VPS13C: variants seen among roughly 807,000 people sequenced by gnomAD.
The protein encoded by VPS13C is intermembrane lipid transfer protein VPS13C.
VPS13C carries 358 observed loss-of-function variants against 456.8 expected under a neutral mutation model. The observed-to-expected ratio is 0.78, with a 90% CI of 0.72 to 0.86. The LOEUF is 0.86. Ranked by LOEUF, VPS13C falls within the 40% of genes least tolerant of loss-of-function variation. VPS13C has a pLI of 0.00. For missense variants in VPS13C, 4,818 were observed against 4,385.4 expected (o/e 1.10, Z -2.79); for synonymous variants, 1,578 against 1,486.7 (o/e 1.06, Z -1.41).
chr15:61,982,985 T>C (rs1240426330), intron 20 of VPS13C, among the ~76,000 whole-genome samples: 2 of 152,160 alleles, frequency 1.3e-5, no homozygotes, highest in East Asian at 1.9e-4. Context: ...ATTTAAACTT[T>C]TAAAAAATCA....
chr15:62,008,532 A>C, intron 14 of VPS13C, 123 bp downstream of exon 14: 1 of 525,082 alleles, frequency 1.9e-6, no homozygotes, highest in Non-Finnish European at 3.2e-6. Context: ...TTGTCTTTTA[A>C]TACTCTTGTC....
At chr15:61,919,777 G>A (rs12911564) in intron 57 of VPS13C, among the ~76,000 whole-genome samples, 89,951 of 148,088 alleles carry the variant, frequency 0.61, 27,681 homozygotes, top group East Asian at 0.77. Context: ...TCTCTCCTCA[G>A]TAAACTCCTA....
chr15:61,924,425 G>C (rs2043774452), intron 53 of VPS13C, among the ~76,000 whole-genome samples: 1 of 152,154 alleles, frequency 6.6e-6, no homozygotes, highest in African/African-American at 2.4e-5. Context: ...TCCCGCATAT[G>C]TCATTAAGTT....
chr15:61,871,399 C>T (rs1485933974), intron 79 of VPS13C, among the ~76,000 whole-genome samples: 1 of 152,104 alleles, frequency 6.6e-6, no homozygotes, highest in African/African-American at 2.4e-5. Flanking sequence ...ATCAGTTAAC[C>T]ATAAGTAAGA....
In VPS13C at chr15:61,978,642, T is replaced by C; in HGVS notation, c.2274A>G (p.Leu758=). The stretch of plus-strand genomic sequence containing the variant: ...ACGGTTTACCTGCTCTTGCAAAAAG[T>C]AGTTGTACATTTTTTATTTCAACAT... ...KFDVEIKNVQ[L]LFARAEETWK... is the part of the protein sequence containing the mutation. Residue 758 remains leucine (L), a synonymous_variant, in exon 23 of 85, where the codon CTA becomes CTG. Coordinates refer to ENST00000644861, the MANE Select transcript of VPS13C (RefSeq NM_020821.3). The C allele has an allele frequency of 1.2e-6, 2 of 1,610,574 alleles. No homozygotes were observed. The highest frequency in any genetic ancestry group is 1.7e-6 in the Non-Finnish European group (2 of 1,178,996).
At chr15:61,922,273 A>G in intron 54 of VPS13C, 124 bp downstream of exon 54, 1 of 1,263,540 alleles carries the variant, frequency 7.9e-7, no homozygotes, top group Non-Finnish European at 1.1e-6. Flanking sequence ...ATTAAATGTC[A>G]GAACACACTA....
rs1451763200 is a variant in VPS13C, at chr15:61,941,884, T to C, written c.5332A>G (p.Ile1778Val). ...ACTCTGATTAAACCCAGATCTGCTA[T>C]AACAGCATTAGGTGATACTGAAGAC... ...PQSSVSPNAV[I>V]ADLGLIRVEN... The change falls in exon 46 of 85, where the codon ATA (isoleucine) becomes GTA (valine). Residue 1778 changes from isoleucine to valine, a missense_variant. Transcript: ENST00000644861. 2 of 1,614,038 alleles carry C rather than the reference T, an allele frequency of 1.2e-6. No individual in the cohort carries two copies. The highest frequency in any genetic ancestry group is 1.6e-4 in the Middle Eastern group (1 of 6,062).
Position 61,920,255 on chromosome 15 carries a change from A to G in VPS13C, c.7289T>C (p.Val2430Ala). ...GGGCTTCACCTTAATGGGAACACCTACAGCATTTTTTACCGTAAAAGGAGC... is the reference window on the plus strand; with the variant it reads ...GGGCTTCACCTTAATGGGAACACCTGCAGCATTTTTTACCGTAAAAGGAGC... ...DRAPFTVKNA[V>A]GVPIKVKPNC... Residue 2430 changes from valine to alanine, a missense_variant, in exon 57 of 85, where the codon GTA becomes GCA. Physicochemically the swap from Val to Ala is moderately conservative, Grantham distance 64 (BLOSUM62 0). Around this residue, in one of 3 missense-constraint regions of VPS13C, gnomAD observed 4,552 missense variants for 4,130.6 expected, o/e 1.10. Coordinates refer to ENST00000644861, the MANE Select transcript of VPS13C (RefSeq NM_020821.3). 6.2e-7 allele frequency: 1 copy of G among 1,613,562 alleles called. No individual in the cohort carries two copies.
intron 45 of VPS13C, 122 bp from the exon 46 acceptor site, chr15:61,942,189 TTG>T (rs957113181): frequency 2.2e-6 from 2 of 922,460 alleles, no homozygotes; most frequent in Non-Finnish European, 3.1e-6. Flanking sequence ...ATTTATGATT[TTG>T]TGTATGTAGA....
chr15:61,973,514 T>C lies in VPS13C; in HGVS notation c.2557A>G (p.Ile853Val), dbSNP rs1469377455. 29 of 1,612,618 alleles carry C rather than the reference T, an allele frequency of 1.8e-5. No individual in the cohort carries two copies. The highest frequency in any genetic ancestry group is 2.1e-5 in the Non-Finnish European group (25 of 1,178,960). ...PERQVSSIPI[I>V]SGGTKGLLGT... The stretch of plus-strand genomic sequence containing the variant: ...AGTAGACCTTTTGTACCACCTGAAA[T>C]AATAGGAATTGAGGATACCTAGCAA... Residue 853 changes from isoleucine (I) to valine (V), a missense_variant, in exon 26 of 85, where the codon ATT becomes GTT. Ile to Val is a conservative substitution (Grantham distance 29). Transcript: ENST00000644861.
At chr15:62,044,443 T>C (rs2048342583) in intron 1 of VPS13C, among the ~76,000 whole-genome samples, 188 bp from the exon 2 acceptor site, 1 of 152,170 alleles carries the variant, frequency 6.6e-6, no homozygotes. Context: ...AATTGTAGCA[T>C]ACTATAGGTT....
At chr15:61,943,728 T>A (rs2044510555) in intron 45 of VPS13C, among the ~76,000 whole-genome samples, 1 of 151,776 alleles carries the variant, frequency 6.6e-6, no homozygotes, top group Non-Finnish European at 1.5e-5. Context: ...ATATCGGCTC[T>A]GGGAAAGAAT....
intron 82 of VPS13C, chr15:61,856,655 GA>G (rs1893923276): frequency 8.7e-6 from 2 of 230,734 alleles, no homozygotes; most frequent in Non-Finnish European, 1.6e-5. Context: ...GCAGAATTCA[GA>G]AAAGTGTAAC....
At chr15:61,970,712 T>A (rs532179921) in intron 27 of VPS13C, among the ~76,000 whole-genome samples, 1 of 152,178 alleles carries the variant, frequency 6.6e-6, no homozygotes, top group East Asian at 1.9e-4. Flanking sequence ...TATTCTGTTA[T>A]AGTAACAGAA....
At chr15:61,857,113 A>G (rs1403756404) in intron 82 of VPS13C, among the ~76,000 whole-genome samples, 1 of 152,218 alleles carries the variant, frequency 6.6e-6, no homozygotes, top group Admixed American at 6.5e-5. Context: ...CTTCTATTAC[A>G]GAAAGCAAAA....
At chr15:61,912,579 A>G (rs2140150729) in intron 62 of VPS13C, among the ~76,000 whole-genome samples, 1 of 152,100 alleles carries the variant, frequency 6.6e-6, no homozygotes, top group South Asian at 2.1e-4. Context: ...ATTTGTAGTG[A>G]TAACAGCCCT....
intron 5 of VPS13C, among the ~76,000 whole-genome samples, chr15:62,031,605 A>C (rs2140638735): frequency 6.6e-6 from 1 of 152,120 alleles, no homozygotes; most frequent in African/African-American, 2.4e-5. Flanking sequence ...GACAAATATA[A>C]CATGTTAAAA....
intron 1 of VPS13C, among the ~76,000 whole-genome samples, chr15:62,050,442 A>G (rs548327839): frequency 2.1e-4 from 32 of 152,366 alleles, no homozygotes; most frequent in African/African-American, 7.7e-4. Flanking sequence ...TTGGATGTGC[A>G]TACACTGCTA....
At chr15:62,011,707 G>C (rs950452461) in intron 12 of VPS13C, among the ~76,000 whole-genome samples, 1 of 151,952 alleles carries the variant, frequency 6.6e-6, no homozygotes, top group African/African-American at 2.4e-5. Context: ...AAATTCTCTA[G>C]AGTGGCAGGA....
Sources: allele counts gnomAD v4.1 joint callset (sites outside exome capture counted in the v4.1 genomes callset), GRCh38; gene constraint gnomAD v4.1.1; regional missense constraint gnomAD v4.1.1; transcripts MANE v1.5; gene names NCBI Gene and HGNC (gene_info 2026-07-23, HGNC 2026-07-21).